The following OR51B5 variants were observed in gnomAD, a reference collection of about 807,000 sequenced individuals.
The protein encoded by OR51B5 is olfactory receptor family 51 subfamily B member 5.
For synonymous variants in OR51B5, 186 were observed against 144.8 expected (o/e 1.28, Z -2.04); for missense variants, 456 against 374.6 (o/e 1.22, Z -1.79).
At chr11:5,345,107 T>G (rs1015584651), upstream of OR51B5, among the ~76,000 whole-genome samples, 1 of 152,192 alleles carries the variant, frequency 6.6e-6, no homozygotes, top group South Asian at 2.1e-4. Context: ...TCATAGGGCC[T>G]TACAGACCAC....
chr11:5,443,008 C>A (rs975006238), intron 1 of OR51B5, among the ~76,000 whole-genome samples: 1 of 151,910 alleles, frequency 6.6e-6, no homozygotes, highest in African/African-American at 2.4e-5. Context: ...TCTTTTCTGT[C>A]TTTTTTTTAA....
intron 1 of OR51B5, among the ~76,000 whole-genome samples, chr11:5,467,309 G>A (rs1851151815): frequency 6.6e-6 from 1 of 151,772 alleles, no homozygotes; most frequent in Non-Finnish European, 1.5e-5. Context: ...GAGACGTTCA[G>A]GGGGTGTTTG....
intron 1 of OR51B5, among the ~76,000 whole-genome samples, chr11:5,417,466 A>G (rs1005534834): frequency 6.6e-6 from 1 of 151,670 alleles, no homozygotes; most frequent in African/African-American, 2.4e-5. Flanking sequence ...GCAGCAAAAG[A>G]AACTACCATC....
At chr11:5,368,344 C>G (rs943258783) in intron 1 of OR51B5, among the ~76,000 whole-genome samples, 1 of 152,154 alleles carries the variant, frequency 6.6e-6, no homozygotes, top group Non-Finnish European at 1.5e-5. Flanking sequence ...GTCCACTCAT[C>G]TTTAAGTGGG....
intron 1 of OR51B5, among the ~76,000 whole-genome samples, chr11:5,492,015 A>G (rs1185824763): frequency 6.6e-6 from 1 of 152,200 alleles, no homozygotes; most frequent in African/African-American, 2.4e-5. Context: ...AAGAAGACTT[A>G]ACCTCAGAAT....
At chr11:5,473,063 T>C (rs1851252219) in intron 1 of OR51B5, among the ~76,000 whole-genome samples, 1 of 152,202 alleles carries the variant, frequency 6.6e-6, no homozygotes, top group African/African-American at 2.4e-5. Context: ...TGAATGTCAT[T>C]AAGAAAATTA....
chr11:5,351,937 G>A (rs950382657), intron 1 of OR51B5: 2 of 1,612,980 alleles, frequency 1.2e-6, no homozygotes, highest in East Asian at 2.2e-5. Flanking sequence ...GAAGATTGGT[G>A]TGCGGGTATT....
At chr11:5,490,870 A>C (rs1179731482) in intron 1 of OR51B5, among the ~76,000 whole-genome samples, 13 of 152,240 alleles carry the variant, frequency 8.5e-5, no homozygotes, top group Non-Finnish European at 1.3e-4. Flanking sequence ...GCAAGCATTC[A>C]ATTCTGACTG....
chr11:5,469,907 CCT>C (rs1851201104), intron 1 of OR51B5, among the ~76,000 whole-genome samples: 1 of 152,094 alleles, frequency 6.6e-6, no homozygotes, highest in South Asian at 2.1e-4. Context: ...AGCTGTCTCT[CCT>C]CTCTTGCCTA....
intron 1 of OR51B5, among the ~76,000 whole-genome samples, chr11:5,477,337 A>G (rs1851325499): frequency 6.6e-6 from 1 of 152,108 alleles, no homozygotes; most frequent in African/African-American, 2.4e-5. Context: ...CTTGGAGAGC[A>G]CCTCAGTGGG....
chr11:5,408,588 A>G (rs540074245), intron 1 of OR51B5, among the ~76,000 whole-genome samples: 9 of 152,302 alleles, frequency 5.9e-5, no homozygotes, highest in African/African-American at 1.7e-4. Flanking sequence ...ACTCACAGCT[A>G]AAGTTTGGTG....
chr11:5,457,755 A>T (rs1210977998), intron 1 of OR51B5, among the ~76,000 whole-genome samples: 2 of 152,164 alleles, frequency 1.3e-5, no homozygotes, highest in East Asian at 3.9e-4. Context: ...CTTGTTGGCC[A>T]CGTATATGTC....
At chr11:5,385,685 C>G (rs1376376282) in intron 1 of OR51B5, among the ~76,000 whole-genome samples, 4 of 143,600 alleles carry the variant, frequency 2.8e-5, no homozygotes, top group African/African-American at 8.0e-5. Context: ...TAAATACTAC[C>G]TATAATATAT....
At chr11:5,472,658 T>G (rs1459840992) in intron 1 of OR51B5, among the ~76,000 whole-genome samples, 1 of 152,174 alleles carries the variant, frequency 6.6e-6, no homozygotes, top group Non-Finnish European at 1.5e-5. Context: ...TCAAAGGAAT[T>G]GAGAATGAAG....
intron 1 of OR51B5, among the ~76,000 whole-genome samples, chr11:5,363,231 AACCC>A (rs368283323): frequency 0.28 from 37,921 of 135,168 alleles, 5,544 homozygotes; most frequent in African/African-American, 0.33. Flanking sequence ...CAACGAACCC[AACCC>A]CTCACACACA....
At chr11:5,414,745 C>G (rs1263190924) in intron 1 of OR51B5, among the ~76,000 whole-genome samples, 1 of 152,148 alleles carries the variant, frequency 6.6e-6, no homozygotes, top group Admixed American at 6.5e-5. Flanking sequence ...TATATATGCA[C>G]CCAATACAGG....
intron 1 of OR51B5, among the ~76,000 whole-genome samples, chr11:5,449,663 A>C (rs79168180): frequency 0.01 from 1,551 of 152,308 alleles, 11 homozygotes; most frequent in Non-Finnish European, 0.013. Flanking sequence ...TCTGTGGCTC[A>C]TTAACATTGC....
At chr11:5,474,348 C>T (rs1851272328) in intron 1 of OR51B5, among the ~76,000 whole-genome samples, 1 of 152,088 alleles carries the variant, frequency 6.6e-6, no homozygotes, top group South Asian at 2.1e-4. Context: ...CACATAAAAT[C>T]ACCACTTACA....
chr11:5,451,043 C>T (rs772665949), intron 1 of OR51B5, among the ~76,000 whole-genome samples: 1 of 152,222 alleles, frequency 6.6e-6, no homozygotes, highest in Non-Finnish European at 1.5e-5. Context: ...CTCTCAGTGT[C>T]CATATCTGTT....
Sources: gnomAD v4.1 joint callset for allele counts (sites outside exome capture counted in the v4.1 genomes callset) on GRCh38, gnomAD v4.1.1 for gene constraint, MANE v1.5 for transcripts, NCBI Gene and HGNC (gene_info 2026-07-23, HGNC 2026-07-21) for gene names.